The following CLDN14 variants were observed in gnomAD, a reference collection of about 807,000 sequenced individuals.
CLDN14 encodes the protein claudin 14, also known as claudin-14.
CLDN14 carries 2 observed loss-of-function variants against 2.1 expected under a neutral mutation model. The observed-to-expected ratio is 0.96, with a 90% CI of 0.39 to 3.01. The LOEUF is 3.01. Among genes scored for constraint, CLDN14 ranks in the 30% most tolerant of loss-of-function variants. CLDN14 has a pLI of 0.09. For synonymous variants in CLDN14, 136 were observed against 154.4 expected (o/e 0.88, Z 0.88); for missense variants, 298 against 328.0 (o/e 0.91, Z 0.71).
intron 1 of CLDN14, among the ~76,000 whole-genome samples, chr21:36,523,246 G>C (rs1358977010): frequency 6.6e-6 from 1 of 152,156 alleles, no homozygotes; most frequent in Non-Finnish European, 1.5e-5. Flanking sequence ...GGCTGTCCCA[G>C]GTTTTAGAAA....
chr21:36,501,907 A>G (rs1389399021), intron 2 of CLDN14, among the ~76,000 whole-genome samples: 1 of 140,016 alleles, frequency 7.1e-6, no homozygotes, highest in Non-Finnish European at 1.6e-5. Flanking sequence ...GGAAAGTCTT[A>G]TGAATTTGAA....
chr21:36,463,666 C>T (rs2086608838), intron 1 of CLDN14, among the ~76,000 whole-genome samples: 1 of 152,164 alleles, frequency 6.6e-6, no homozygotes, highest in African/African-American at 2.4e-5. Flanking sequence ...GAGACTGGAT[C>T]ATGCCATTGC....
intron 2 of CLDN14, among the ~76,000 whole-genome samples, chr21:36,493,910 G>A (rs1416013393): frequency 2.6e-5 from 4 of 152,180 alleles, no homozygotes; most frequent in Non-Finnish European, 5.9e-5. Context: ...GGTATAGAGT[G>A]GCTGGGCACC....
chr21:36,493,509 A>G (rs2086988457), intron 2 of CLDN14, among the ~76,000 whole-genome samples: 1 of 152,114 alleles, frequency 6.6e-6, no homozygotes, highest in African/African-American at 2.4e-5. Flanking sequence ...TGCAGGTCTG[A>G]TCTTTGAGGT....
intron 2 of CLDN14, chr21:36,486,904 G>T: frequency 4.7e-6 from 3 of 639,800 alleles, no homozygotes; most frequent in Non-Finnish European, 5.9e-6. Context: ...GGTGTCTAGA[G>T]TGAGTGTGGT....
At chr21:36,522,740 C>CT (rs1257072739) in intron 1 of CLDN14, among the ~76,000 whole-genome samples, 15 of 152,190 alleles carry the variant, frequency 9.9e-5, no homozygotes, top group Non-Finnish European at 1.5e-4. Flanking sequence ...CAAACTTTGG[C>CT]TTTTTTGTGC....
chr21:36,573,084 G>A (rs375598914), intron 1 of CLDN14, among the ~76,000 whole-genome samples: 2 of 152,166 alleles, frequency 1.3e-5, no homozygotes, highest in East Asian at 1.9e-4. Context: ...GGTGGATCAC[G>A]AGGTCAGGAG....
In CLDN14 at chr21:36,498,130, A is replaced by G. The variant is rs2087056082; in HGVS notation, c.-82+12233T>C. On this transcript the variant is annotated intron_variant, in intron 2 of 2. Coordinates refer to the CLDN14 transcript ENST00000342108. The surrounding 1 kb of genome is among the most constrained non-coding windows in gnomAD (Gnocchi z 4.9). ...ATTCTCCTGTCTCAGCCTCATGAGT[A>G]GCTGGGATTACAGGCACCCACCACC... is the stretch of plus-strand genomic sequence containing the variant. Among the ~76,000 whole-genome samples, 1 of 151,702 alleles carries G rather than the reference A, an allele frequency of 6.6e-6. No individual in the cohort carries two copies. The highest frequency in any genetic ancestry group is 2.1e-4 in the South Asian group (1 of 4,818).
chr21:36,520,151 T>A (rs1444421348), intron 1 of CLDN14, among the ~76,000 whole-genome samples: 1 of 147,842 alleles, frequency 6.8e-6, no homozygotes, highest in Admixed American at 6.8e-5. Flanking sequence ...TGTCGCTGCA[T>A]CTTTCTAATC....
At chr21:36,536,261 G>C (rs1014027106) in intron 1 of CLDN14, among the ~76,000 whole-genome samples, 1 of 152,200 alleles carries the variant, frequency 6.6e-6, no homozygotes, top group African/African-American at 2.4e-5. Context: ...CCCAGGGAAG[G>C]CCGAGGGAGA....
intron 1 of CLDN14, among the ~76,000 whole-genome samples, chr21:36,549,204 T>C (rs1410428992): frequency 6.6e-6 from 1 of 150,990 alleles, no homozygotes; most frequent in African/African-American, 2.4e-5. Context: ...TGAGCAGAAA[T>C]GGAGATTGAA....
chr21:36,465,045 GGTTGCC>G (rs1190023326), intron 1 of CLDN14, among the ~76,000 whole-genome samples: 19 of 152,204 alleles, frequency 1.2e-4, no homozygotes, highest in Admixed American at 1.2e-3. Flanking sequence ...GGGACTGAGG[GGTTGCC>G]CAGGACAGGG....
At chr21:36,479,387 C>T (rs2086817437) in intron 1 of CLDN14, 108 bp downstream of exon 1, 1 of 152,222 alleles carries the variant, frequency 6.6e-6, no homozygotes, top group South Asian at 2.1e-4. Context: ...AACGCTCGGA[C>T]CCCTGGCTGC....
chr21:36,553,621 G>A (rs547244518), intron 1 of CLDN14, among the ~76,000 whole-genome samples: 1 of 151,968 alleles, frequency 6.6e-6, no homozygotes, highest in African/African-American at 2.4e-5. Flanking sequence ...CCCACACTTC[G>A]TGGTCAGCCA....
intron 1 of CLDN14, among the ~76,000 whole-genome samples, chr21:36,561,133 C>T (rs371644221): frequency 2.0e-4 from 31 of 152,268 alleles, no homozygotes; most frequent in East Asian, 9.6e-4. Flanking sequence ...GTGGATGTGT[C>T]GCAATCCTCA....
At chr21:36,524,372 T>C (rs1014860303) in intron 1 of CLDN14, among the ~76,000 whole-genome samples, 7 of 152,196 alleles carry the variant, frequency 4.6e-5, no homozygotes, top group African/African-American at 1.7e-4. Context: ...TCCTCCTGTC[T>C]TGGACTCCCA....
At chr21:36,570,464 T>C (rs1601640953) in intron 1 of CLDN14, among the ~76,000 whole-genome samples, 2 of 152,184 alleles carry the variant, frequency 1.3e-5, no homozygotes, top group South Asian at 4.1e-4. Context: ...GAGAGGAGGG[T>C]TCCATTCAGA....
rs1342781526 is a variant in CLDN14 at position 36,572,288 on chromosome 21, G to A, written c.-220+4123C>T. Reference sequence around the variant, plus strand: ...TGTGGGTTGTGTGTGTGTGTGAACTGCGCGTGCTCCCCAAACAGGAAGACC... The same window carrying A: ...TGTGGGTTGTGTGTGTGTGTGAACTACGCGTGCTCCCCAAACAGGAAGACC... On this transcript the variant is annotated intron_variant, in intron 1 of 2. Coordinates refer to the CLDN14 transcript ENST00000342108. Among the ~76,000 whole-genome samples the A allele has an allele frequency of 2.0e-5, 3 of 152,026 alleles. No homozygotes were observed. The East Asian group carries it at 5.8e-4, about 29-fold the overall frequency.
intron 1 of CLDN14, among the ~76,000 whole-genome samples, chr21:36,477,951 C>T (rs1395482831): frequency 6.6e-6 from 1 of 152,238 alleles, no homozygotes; most frequent in East Asian, 1.9e-4. Flanking sequence ...CATTCCTGAA[C>T]TGGCAAGGCT....
Sources: allele counts gnomAD v4.1 joint callset (sites outside exome capture counted in the v4.1 genomes callset), GRCh38; gene constraint gnomAD v4.1.1; non-coding constraint Gnocchi (gnomAD v3.1); transcripts MANE v1.5; gene names NCBI Gene and HGNC (gene_info 2026-07-23, HGNC 2026-07-21).